ZMYND11: variants seen among roughly 807,000 people sequenced by gnomAD.
ZMYND11 encodes zinc finger MYND domain-containing protein 11.
A neutral mutation model predicts 84.9 loss-of-function variants in ZMYND11; 9 were observed. The ratio of observed to expected loss-of-function variants is 0.11; its 90% CI spans 0.06 to 0.18. The LOEUF (loss-of-function observed/expected upper bound fraction) is 0.18. ZMYND11 is among the 10% of genes least tolerant of loss of function. The pLI is 1.00. For synonymous variants in ZMYND11, 250 were observed against 244.1 expected (o/e 1.02, Z -0.23); for missense variants, 409 against 761.0 (o/e 0.54, Z 5.44).
chr10:147,056 G>A (rs986329791), intron 1 of ZMYND11, among the ~76,000 whole-genome samples: 2 of 152,156 alleles, frequency 1.3e-5, no homozygotes, highest in South Asian at 2.1e-4. Context: ...CAGCTTGGTC[G>A]TTGTTGGTAT....
intron 1 of ZMYND11, among the ~76,000 whole-genome samples, chr10:173,729 AT>A (rs369854415): frequency 2.0e-5 from 3 of 151,978 alleles, no homozygotes; most frequent in Admixed American, 6.5e-5. Context: ...TAAAAAAAAA[AT>A]TTTTTTAAGG....
intron 2 of ZMYND11, among the ~76,000 whole-genome samples, chr10:198,543 G>A (rs1942343077): frequency 6.6e-6 from 1 of 152,016 alleles, no homozygotes; most frequent in Non-Finnish European, 1.5e-5. Context: ...AGACTCAACA[G>A]TTTTGATTAA....
At chr10:185,813 C>CAAAAAAAAAAAAA (rs111255034) in intron 2 of ZMYND11, among the ~76,000 whole-genome samples, 1 of 115,608 alleles carries the variant, frequency 8.6e-6, no homozygotes, top group Non-Finnish European at 1.7e-5. Context: ...AACTCCGTCT[C>CAAAAAAAAAAAAA]AAAAAAACAA....
intron 2 of ZMYND11, among the ~76,000 whole-genome samples, chr10:184,884 C>T (rs1937741813): frequency 1.4e-5 from 2 of 145,764 alleles, no homozygotes; most frequent in South Asian, 2.3e-4. Context: ...CTGGGTTTTT[C>T]TCCATCTTTT....
At position 253,965 on chromosome 10, in the gene ZMYND11, G is replaced by A. The variant is rs1953948090; in HGVS notation, c.*1495G>A. On this transcript the variant is annotated 3_prime_UTR_variant, in exon 15 of 15. Coordinates refer to ENST00000381604, the MANE Select transcript of ZMYND11 (RefSeq NM_001370100.5). ...CAGATGGTGGTGACACAAGTTAATT[G>A]ACAAACTACTGCCAAATGGTGCACA... 6.6e-6 allele frequency: 1 copy of A among 152,622 alleles called. No individual in the cohort carries two copies. Among genetic ancestry groups the A allele is most frequent in the African/African-American group, 2.4e-5 (1 of 41,546 alleles). 9.5% of individuals were successfully genotyped at this position (152,622 alleles called of 1,614,324 possible).
At position 239,294 on chromosome 10, in the gene ZMYND11, TAC is replaced by T. The variant is rs1451016287; in HGVS notation, c.610-138_610-137del. On this transcript the variant is annotated intron_variant, in intron 6 of 14. Transcript: ENST00000381604. ...CGCAGGTGGCGTTGTTGGCTTCTTT[TAC>T]ACACATTCTCTGTCAATACTGTGGG... 100 of 646,264 alleles carry T rather than the reference TAC, an allele frequency of 1.5e-4. 2 individuals carry two copies. The allele number at this position is 646,264 out of a possible 1,614,324, so 40.0% of individuals were successfully genotyped here. A position where few individuals can be genotyped will look rare whatever the true frequency, so the allele number is the denominator to read the frequency against.
intron 4 of ZMYND11, among the ~76,000 whole-genome samples, chr10:222,601 T>C (rs1947313244): frequency 6.6e-6 from 1 of 152,200 alleles, no homozygotes; most frequent in African/African-American, 2.4e-5. Context: ...TTAATATTCA[T>C]ATTTTATTCT....
At chr10:149,092 C>T (rs576612509) in intron 1 of ZMYND11, among the ~76,000 whole-genome samples, 3 of 151,814 alleles carry the variant, frequency 2.0e-5, no homozygotes, top group Non-Finnish European at 4.4e-5. Context: ...GAAGAGGATC[C>T]GATGTCTGAC....
At chr10:197,070 A>G (rs1941956037) in intron 2 of ZMYND11, among the ~76,000 whole-genome samples, 1 of 150,712 alleles carries the variant, frequency 6.6e-6, no homozygotes, top group Non-Finnish European at 1.5e-5. Flanking sequence ...GTGTTCATGT[A>G]TGTGTATCAA....
chr10:192,852 G>A (rs1407311160), intron 2 of ZMYND11, among the ~76,000 whole-genome samples: 1 of 152,142 alleles, frequency 6.6e-6, no homozygotes, highest in South Asian at 2.1e-4. Context: ...GTGAGTCCCT[G>A]TTACTCTCTG....
At chr10:211,976 CACTT>C (rs1300845936) in intron 3 of ZMYND11, among the ~76,000 whole-genome samples, 1 of 152,180 alleles carries the variant, frequency 6.6e-6, no homozygotes, top group East Asian at 1.9e-4. Flanking sequence ...AATCTTAAAA[CACTT>C]AGGAATTTAT....
intron 1 of ZMYND11, among the ~76,000 whole-genome samples, chr10:149,324 A>ATTATTATTT (rs1433429958): frequency 2.1e-5 from 3 of 144,496 alleles, no homozygotes; most frequent in East Asian, 4.0e-4. Context: ...TATTATTATT[A>ATTATTATTT]TTTTTCAGAC....
At chr10:220,536 A>G (rs1946965637) in intron 3 of ZMYND11, among the ~76,000 whole-genome samples, 2 of 152,214 alleles carry the variant, frequency 1.3e-5, no homozygotes, top group South Asian at 4.1e-4. Flanking sequence ...CAGTCAGGAA[A>G]TAAGGCTACT....
At chr10:150,081 G>A (rs1339199127) in intron 1 of ZMYND11, among the ~76,000 whole-genome samples, 2 of 152,026 alleles carry the variant, frequency 1.3e-5, no homozygotes, top group Admixed American at 6.5e-5. Context: ...CTCTTTTTTT[G>A]TTGTGTCTCT....
chr10:233,848 A>G (rs1346956825), intron 4 of ZMYND11, among the ~76,000 whole-genome samples: 3 of 152,252 alleles, frequency 2.0e-5, no homozygotes, highest in Non-Finnish European at 4.4e-5. Context: ...TGACTTCCCC[A>G]AAATAGGGAA....
At chr10:137,211 T>C (rs7476951) in intron 1 of ZMYND11, among the ~76,000 whole-genome samples, 107,621 of 151,862 alleles carry the variant, frequency 0.71, 38,285 homozygotes, top group East Asian at 0.83. Flanking sequence ...ACTGTCATAT[T>C]CAGGGTATCT....
chr10:194,619 G>T (rs942385477), intron 2 of ZMYND11, among the ~76,000 whole-genome samples: 2 of 152,112 alleles, frequency 1.3e-5, no homozygotes, highest in Non-Finnish European at 2.9e-5. Flanking sequence ...CATTCCGCTC[G>T]ATTTATACTA....
intron 2 of ZMYND11, among the ~76,000 whole-genome samples, chr10:196,060 GTCT>G (rs1941651764): frequency 6.6e-6 from 1 of 152,130 alleles, no homozygotes; most frequent in South Asian, 2.1e-4. Flanking sequence ...TCACAGTCAG[GTCT>G]ATTGATGACC....
chr10:159,322 C>A (rs1342766192), intron 1 of ZMYND11, among the ~76,000 whole-genome samples: 5 of 152,072 alleles, frequency 3.3e-5, no homozygotes, highest in Admixed American at 3.3e-4. Flanking sequence ...CCATGTTCCC[C>A]TCTCTAGAGA....
Sources: allele counts gnomAD v4.1 joint callset (sites outside exome capture counted in the v4.1 genomes callset), GRCh38; gene constraint gnomAD v4.1.1; transcripts MANE v1.5; gene names NCBI Gene and HGNC (gene_info 2026-07-23, HGNC 2026-07-21).